Variants in ADAMTS19 observed in about 807,000 individuals in gnomAD.
ADAMTS19 encodes the protein A disintegrin and metalloproteinase with thrombospondin motifs 19.
A neutral mutation model predicts 153.3 loss-of-function variants in ADAMTS19; 93 were observed. The observed-to-expected ratio is 0.61, with a 90% confidence interval of 0.51 to 0.72. ADAMTS19 has a LOEUF of 0.72. Among genes scored for constraint, ADAMTS19 ranks in the 30% least tolerant of loss-of-function variants. ADAMTS19 has a pLI of 0.00. For missense variants in ADAMTS19, 1,482 were observed against 1,552.1 expected (o/e 0.95, Z 0.76); for synonymous variants, 600 against 556.6 (o/e 1.08, Z -1.10).
intron 10 of ADAMTS19, among the ~76,000 whole-genome samples, chr5:129,635,289 C>T (rs1453017663): frequency 6.6e-6 from 1 of 152,152 alleles, no homozygotes; most frequent in Non-Finnish European, 1.5e-5. Flanking sequence ...GAAAAGGGAA[C>T]ACTTATATAC....
chr5:129,538,641 A>G (rs1752546293), intron 6 of ADAMTS19, among the ~76,000 whole-genome samples: 1 of 152,110 alleles, frequency 6.6e-6, no homozygotes, highest in Non-Finnish European at 1.5e-5. Context: ...AAAGAATAAC[A>G]TAATTAACAA....
At chr5:129,676,297 TC>T (rs1336228766) in intron 16 of ADAMTS19, among the ~76,000 whole-genome samples, 1 of 152,172 alleles carries the variant, frequency 6.6e-6, no homozygotes, top group Non-Finnish European at 1.5e-5. Context: ...CAGCTTAACT[TC>T]TTGAGGCTTT....
At chr5:129,615,480 G>C (rs369625792) in intron 8 of ADAMTS19, among the ~76,000 whole-genome samples, 1 of 151,916 alleles carries the variant, frequency 6.6e-6, no homozygotes, top group South Asian at 2.1e-4. Context: ...TTCGTTGGGG[G>C]CAGGCCCATG....
intron 6 of ADAMTS19, among the ~76,000 whole-genome samples, chr5:129,547,048 T>A (rs1752886142): frequency 6.6e-6 from 1 of 151,064 alleles, no homozygotes; most frequent in Admixed American, 6.6e-5. Context: ...GTTTATGCTC[T>A]AATTTCCAGA....
At chr5:129,661,830 A>G (rs1055917643) in intron 15 of ADAMTS19, among the ~76,000 whole-genome samples, 6 of 152,226 alleles carry the variant, frequency 3.9e-5, no homozygotes, top group African/African-American at 1.2e-4. Context: ...ATGAAGTATA[A>G]GGAGGACATG....
intron 8 of ADAMTS19, among the ~76,000 whole-genome samples, chr5:129,606,231 T>C (rs1750885758): frequency 6.6e-6 from 1 of 152,172 alleles, no homozygotes; most frequent in South Asian, 2.1e-4. Context: ...AACATTTACA[T>C]ACACACTTAC....
intron 2 of ADAMTS19, among the ~76,000 whole-genome samples, chr5:129,486,629 A>T (rs1395622524): frequency 6.6e-6 from 1 of 152,124 alleles, no homozygotes; most frequent in East Asian, 1.9e-4. Context: ...GGTTAACATC[A>T]TTCTTAATTT....
chr5:129,498,346 C>T (rs1161107907), intron 2 of ADAMTS19, among the ~76,000 whole-genome samples: 3 of 152,066 alleles, frequency 2.0e-5, no homozygotes, highest in Non-Finnish European at 4.4e-5. Flanking sequence ...CCATCTTTGA[C>T]TTCTGCCCTA....
intron 16 of ADAMTS19, among the ~76,000 whole-genome samples, chr5:129,671,972 G>T (rs1301685021): frequency 6.6e-6 from 1 of 152,140 alleles, no homozygotes; most frequent in Non-Finnish European, 1.5e-5. Context: ...CTGTCATTTA[G>T]TCTCTTTGGG....
chr5:129,475,250 T>C, intron 2 of ADAMTS19, among the ~76,000 whole-genome samples: 1 of 152,192 alleles, frequency 6.6e-6, no homozygotes, highest in East Asian at 1.9e-4. Context: ...CATTAGCTTT[T>C]GTGTATGGTG....
intron 21 of ADAMTS19, among the ~76,000 whole-genome samples, chr5:129,718,508 G>A (rs549607384): frequency 2.0e-5 from 3 of 152,116 alleles, no homozygotes; most frequent in South Asian, 4.2e-4. Flanking sequence ...AAAATGAATA[G>A]CAAATCTTTA....
chr5:129,532,745 T>C (rs1407256683), intron 6 of ADAMTS19, among the ~76,000 whole-genome samples: 1 of 152,196 alleles, frequency 6.6e-6, no homozygotes, highest in Non-Finnish European at 1.5e-5. Context: ...GATCATACAA[T>C]TGAATACTCT....
At chr5:129,627,209 G>T (rs1316784881) in intron 10 of ADAMTS19, among the ~76,000 whole-genome samples, 1 of 151,936 alleles carries the variant, frequency 6.6e-6, no homozygotes, top group Non-Finnish European at 1.5e-5. Flanking sequence ...CTAAGACCCA[G>T]GTCAATGCAA....
intron 18 of ADAMTS19, among the ~76,000 whole-genome samples, chr5:129,693,719 C>A (rs1755435949): frequency 6.6e-6 from 1 of 152,064 alleles, no homozygotes; most frequent in Non-Finnish European, 1.5e-5. Flanking sequence ...GCTTACAGGG[C>A]TGTGTAAGCA....
At chr5:129,735,686 AAAT>A (rs2127229362) in intron 22 of ADAMTS19, among the ~76,000 whole-genome samples, 1 of 152,192 alleles carries the variant, frequency 6.6e-6, no homozygotes, top group African/African-American at 2.4e-5. Flanking sequence ...TTATGTTATG[AAAT>A]GCCTTCATAT....
rs77592325 is a variant in ADAMTS19, at chr5:129,624,556, G to A, written c.1770+2208G>A. On this transcript the variant is annotated intron_variant, in intron 10 of 22. Coordinates refer to ENST00000274487, the MANE Select transcript of ADAMTS19 (RefSeq NM_133638.6). Reference sequence around the variant, plus strand: ...ACAGGAGACAGTTTCAGTTCATGTGGTATAGAGAATTGATAGAACTGATCA... The same window carrying A: ...ACAGGAGACAGTTTCAGTTCATGTGATATAGAGAATTGATAGAACTGATCA... 3.9e-4 allele frequency among the ~76,000 whole-genome samples: 59 copies of A among 152,206 alleles called. No individual in the cohort carries two copies. In the East Asian group the frequency reaches 0.011, roughly 29 times the overall value.
intron 6 of ADAMTS19, among the ~76,000 whole-genome samples, chr5:129,547,730 C>T (rs1008128898): frequency 6.6e-6 from 1 of 150,492 alleles, no homozygotes; most frequent in African/African-American, 2.5e-5. Context: ...AATCCTAAGC[C>T]AAAAGAACAA....
intron 6 of ADAMTS19, 36 bp from the exon 7 acceptor site, chr5:129,551,827 AT>A: frequency 7.2e-7 from 1 of 1,388,922 alleles, no homozygotes; most frequent in Non-Finnish European, 9.9e-7. Context: ...GTACAAAATA[AT>A]TTATCTTTAT....
intron 18 of ADAMTS19, among the ~76,000 whole-genome samples, chr5:129,686,338 A>G (rs1175610598): frequency 6.6e-6 from 1 of 152,146 alleles, no homozygotes; most frequent in Non-Finnish European, 1.5e-5. Flanking sequence ...CTGGAAAGAC[A>G]GTAAAATGGT....
Sources: gnomAD v4.1 joint callset for allele counts (sites outside exome capture counted in the v4.1 genomes callset) on GRCh38, gnomAD v4.1.1 for gene constraint, MANE v1.5 for transcripts, NCBI Gene and HGNC (gene_info 2026-07-23, HGNC 2026-07-21) for gene names.